The following SCN11A variants were observed in gnomAD, a reference collection of about 807,000 sequenced individuals.
SCN11A encodes the protein sodium voltage-gated channel alpha subunit 11.
Under a neutral mutation model 162.2 loss-of-function variants are expected in SCN11A, and 122 were observed. The observed-to-expected ratio is 0.75, with a 90% CI of 0.65 to 0.87. SCN11A has a LOEUF of 0.87. Among genes scored for constraint, SCN11A ranks in the 40% least tolerant of loss-of-function variants. The pLI, the probability that SCN11A is intolerant of heterozygous loss-of-function variation, is 0.00. For synonymous variants in SCN11A, 758 were observed against 751.5 expected, an observed-to-expected ratio of 1.01 and a Z score of -0.14; for missense variants, 2,015 against 2,181.6, an observed-to-expected ratio of 0.92 and a Z score of 1.52.
At chr3:38,969,642 A>T (rs1312103382) in intron 2 of SCN11A, among the ~76,000 whole-genome samples, 1 of 152,196 alleles carries the variant, frequency 6.6e-6, no homozygotes, top group Non-Finnish European at 1.5e-5. Context: ...TGGTCATTTC[A>T]GCTTGCTTTG....
intron 7 of SCN11A, among the ~76,000 whole-genome samples, chr3:38,927,471 T>C (rs553958023): frequency 1.4e-4 from 21 of 152,312 alleles, no homozygotes; most frequent in African/African-American, 4.6e-4. Flanking sequence ...CTAAAATTCA[T>C]ATGGAATTTC....
At chr3:38,988,647 C>G (rs561993400) in intron 2 of SCN11A, among the ~76,000 whole-genome samples, 4 of 152,310 alleles carry the variant, frequency 2.6e-5, no homozygotes, top group South Asian at 4.1e-4. Flanking sequence ...ATTCCCTCCC[C>G]TCATAACAAC....
chr3:39,016,457 C>T (rs1329973800), intron 2 of SCN11A, among the ~76,000 whole-genome samples: 1 of 152,062 alleles, frequency 6.6e-6, no homozygotes, highest in Non-Finnish European at 1.5e-5. Context: ...TCCATGTTTC[C>T]ACCTGGCATC....
chr3:38,871,445 C>T lies in SCN11A; in HGVS notation c.3759G>A (p.Val1253=). The change falls in exon 25 of 30, where the codon GTG becomes GTA. Residue 1253 remains valine, a splice_region_variant and synonymous_variant. Coordinates refer to ENST00000302328, the MANE Select transcript of SCN11A (RefSeq NM_001349253.2). ...VGNAYLALLQ[V]ATFKGWMDII... ...TGAAAAACATACTGACTGTACTTAC[C>T]ACTTGCAGCAGAGCGAGGTAAGCAT... The T allele has an allele frequency of 1.3e-6, 2 of 1,598,488 alleles. No homozygotes were observed. Among genetic ancestry groups the T allele is most frequent in the East Asian group, 2.2e-5 (1 of 44,760 alleles).
chr3:39,002,683 ATTTGGC>A (rs1395371270), intron 2 of SCN11A, among the ~76,000 whole-genome samples: 1 of 152,310 alleles, frequency 6.6e-6, no homozygotes, highest in East Asian at 1.9e-4. Flanking sequence ...TTGATTTTGC[ATTTGGC>A]TTTGTGACTT....
At chr3:39,020,207 A>T (rs1324922236) in intron 2 of SCN11A, among the ~76,000 whole-genome samples, 1 of 152,236 alleles carries the variant, frequency 6.6e-6, no homozygotes, top group Non-Finnish European at 1.5e-5. Context: ...CATTCAACAA[A>T]TCTCAATTAA....
At chr3:38,890,335 G>T (rs1395466353) in intron 19 of SCN11A, among the ~76,000 whole-genome samples, 6 of 152,208 alleles carry the variant, frequency 3.9e-5, no homozygotes, top group Admixed American at 3.9e-4. Context: ...GCTCTCCATA[G>T]AACTGACTTT....
chr3:38,914,998 T>G (rs1303791158), intron 11 of SCN11A, among the ~76,000 whole-genome samples: 1 of 152,150 alleles, frequency 6.6e-6, no homozygotes, highest in Middle Eastern at 3.2e-3. Flanking sequence ...ATTGAATGAT[T>G]TGGGGAGGAG....
chr3:38,853,868 C>T (rs4364115), intron 28 of SCN11A, among the ~76,000 whole-genome samples: 88,157 of 152,020 alleles, frequency 0.58, 26,755 homozygotes, highest in African/African-American at 0.78. Flanking sequence ...TACTTTATAA[C>T]CCAATGCTCT....
At chr3:39,028,598 A>G (rs1326064082) in intron 2 of SCN11A, among the ~76,000 whole-genome samples, 1 of 152,192 alleles carries the variant, frequency 6.6e-6, no homozygotes, top group Non-Finnish European at 1.5e-5. Context: ...AAAGAAAGGA[A>G]GTTTATTTGG....
At chr3:39,012,751 A>G (rs2031183978) in intron 2 of SCN11A, among the ~76,000 whole-genome samples, 1 of 152,180 alleles carries the variant, frequency 6.6e-6, no homozygotes, top group East Asian at 1.9e-4. Context: ...CTGGGATTAC[A>G]GGCGTGAGCC....
At chr3:39,038,730 C>T (rs1010693432) in intron 1 of SCN11A, among the ~76,000 whole-genome samples, 2 of 152,170 alleles carry the variant, frequency 1.3e-5, no homozygotes, top group African/African-American at 4.8e-5. Context: ...TTCGTATCCA[C>T]ATTCTGATAC....
rs143552154 is a variant in SCN11A, at chr3:38,871,698, T to C, written c.3506A>G (p.Asn1169Ser). The C allele has an allele frequency of 2.6e-4, 413 of 1,602,752 alleles. No individual in the cohort carries two copies. The highest frequency in any genetic ancestry group is 8.3e-4 in the Admixed American group (48 of 57,742). The change falls in exon 25 of 30, where the codon AAT (asparagine) becomes AGT (serine). Residue 1169 changes from asparagine to serine, a missense_variant. Physicochemically the swap from Asn to Ser is conservative, Grantham distance 46. Coordinates refer to ENST00000302328, the MANE Select transcript of SCN11A (RefSeq NM_001349253.2). The part of the protein sequence containing the change: ...SQFEGMKVVV[N>S]ALIGAIPAIL... ...GGCAGGTATGGCACCTATGAGAGCA[T>C]TGACCACCACCTTATGGAAACAAAA...
rs1373497850 is a variant in SCN11A at position 38,904,091 on chromosome 3, G to A, written c.1616C>T (p.Ser539Leu). 2.6e-6 allele frequency: 4 copies of A among 1,567,256 alleles called. No homozygotes were observed. The East Asian group carries it at 6.8e-5, about 27-fold the overall frequency. ...LTITMKEQEK[S>L]QEPCLPCGEN... ...TCCACAAGGGAGACAAGGCTCTTGT[G>A]ATTTTTCTTGTTCTGGAGGAGAATG... Residue 539 changes from serine (S) to leucine (L), a missense_variant, in exon 16 of 30, where the codon TCA becomes TTA. Physicochemically the swap from Ser to Leu is moderately radical, Grantham distance 145 (BLOSUM62 -2). Transcript: ENST00000302328.
In SCN11A at chr3:38,846,913, C is replaced by T; in HGVS notation, c.5157G>A (p.Lys1719=). The change falls in exon 30 of 30, where the codon AAG becomes AAA. Residue 1719 remains lysine, a synonymous_variant. Transcript: ENST00000302328. ...EKFMEANPLK[K]LYEPIVTTTK... is the part of the protein sequence containing the mutation. ...TGGTGGTGACTATGGGTTCATACAA[C>T]TTCTTGAGAGGATTGGCTTCCATGA... is the stretch of plus-strand genomic sequence containing the variant. The T allele has an allele frequency of 1.2e-6, 2 of 1,614,106 alleles. No homozygotes were observed. Among genetic ancestry groups the T allele is most frequent in the African/African-American group, 1.3e-5 (1 of 75,036 alleles).
At chr3:39,020,991 G>A (rs2031436589) in intron 2 of SCN11A, among the ~76,000 whole-genome samples, 1 of 151,970 alleles carries the variant, frequency 6.6e-6, no homozygotes, top group Non-Finnish European at 1.5e-5. Flanking sequence ...TTGCAATAGT[G>A]AGAGAAGAGC....
intron 2 of SCN11A, among the ~76,000 whole-genome samples, chr3:38,984,092 T>A (rs1368215458): frequency 6.6e-6 from 1 of 152,204 alleles, no homozygotes; most frequent in Admixed American, 6.5e-5. Flanking sequence ...TTTCCCACTG[T>A]TCCTTCTCTG....
chr3:38,969,107 G>A (rs1301644999), intron 2 of SCN11A, among the ~76,000 whole-genome samples: 5 of 152,188 alleles, frequency 3.3e-5, no homozygotes, highest in Non-Finnish European at 7.3e-5. Flanking sequence ...GAGGTGGTTG[G>A]AGGGAGGAAG....
In SCN11A at chr3:38,897,071, C is replaced by T. The variant is rs759697563; in HGVS notation, c.2177G>A (p.Ser726Asn). 5 of 1,613,976 alleles carry T rather than the reference C, an allele frequency of 3.1e-6. No homozygotes were observed. Among genetic ancestry groups the T allele is most frequent in the Middle Eastern group, 1.6e-4 (1 of 6,084 alleles). ...TTTTGGACTCTTTTGGGAATTGAAG[C>T]TACGGCCAAAAAGCTGCATGCCAAC... is the stretch of plus-strand genomic sequence containing the variant. ...SVVGMQLFGR[S>N]FNSQKSPKLC... Residue 726 changes from serine (S) to asparagine (N), a missense_variant, in exon 18 of 30, where the codon AGC (serine) becomes AAC (asparagine). Coordinates refer to ENST00000302328, the MANE Select transcript of SCN11A (RefSeq NM_001349253.2).
Sources: allele counts gnomAD v4.1 joint callset (sites outside exome capture counted in the v4.1 genomes callset), GRCh38; gene constraint gnomAD v4.1.1; transcripts MANE v1.5; gene names NCBI Gene and HGNC (gene_info 2026-07-23, HGNC 2026-07-21).